CFAP57: variants seen among roughly 807,000 people sequenced by gnomAD.
CFAP57 encodes cilia- and flagella-associated protein 57.
Under a neutral mutation model 146.8 loss-of-function variants are expected in CFAP57, and 116 were observed. The ratio of observed to expected loss-of-function variants is 0.79; its 90% confidence interval spans 0.68 to 0.92. CFAP57 has a LOEUF of 0.92. Ranked by LOEUF, CFAP57 falls within the 40% of genes least tolerant of loss-of-function variation. The pLI, the probability that CFAP57 is intolerant of heterozygous loss-of-function variation, is 0.00. For synonymous variants in CFAP57, 518 were observed against 552.8 expected (o/e 0.94, Z 0.88); for missense variants, 1,377 against 1,527.2 (o/e 0.90, Z 1.64).
chr1:43,188,326 A>T (rs1467837115), intron 6 of CFAP57, among the ~76,000 whole-genome samples: 1 of 152,160 alleles, frequency 6.6e-6, no homozygotes, highest in Admixed American at 6.6e-5. Context: ...GTCATATGGT[A>T]ACTTCATGTT....
rs567341197 is a variant in CFAP57 at position 43,238,894 on chromosome 1, T to C, written c.3405+4256T>C. Reference sequence around the variant, plus strand: ...GGCCTCAGTTTCCTCACAAGGTTGGTGTAAGGATGAACTGAGGGACTGTAT... The same window carrying C: ...GGCCTCAGTTTCCTCACAAGGTTGGCGTAAGGATGAACTGAGGGACTGTAT... On this transcript the variant is annotated intron_variant, in intron 21 of 22. Coordinates refer to ENST00000372492, the MANE Select transcript of CFAP57 (RefSeq NM_001378189.1). This position sits in a 1 kb window ranked among gnomAD's most constrained non-coding sequence, Gnocchi z 4.3. 6.0e-4 allele frequency among the ~76,000 whole-genome samples: 91 copies of C among 152,152 alleles called. No individual in the cohort carries two copies. The highest frequency in any genetic ancestry group is 1.1e-3 in the Non-Finnish European group (76 of 68,002).
At chr1:43,194,055 T>C (rs1569966203) in intron 6 of CFAP57, among the ~76,000 whole-genome samples, 1 of 152,246 alleles carries the variant, frequency 6.6e-6, no homozygotes, top group South Asian at 2.1e-4. Flanking sequence ...CCTTTACCAG[T>C]GCTCTTTGTT....
chr1:43,172,584 A>AAAGGGGAGGGG (rs1557714704), intron 1 of CFAP57, 131 bp downstream of exon 1: 102,204 of 456,824 alleles, frequency 0.22, 12,122 homozygotes, highest in Middle Eastern at 0.31. Context: ...AAGGGGAGGG[A>AAAGGGGAGGGG]CAAGGGGAGG....
intron 11 of CFAP57, 77 bp from the exon 12 acceptor site, chr1:43,215,178 C>G (rs971692394): frequency 3.9e-6 from 6 of 1,521,176 alleles, no homozygotes; most frequent in African/African-American, 1.4e-5. Flanking sequence ...TGGGGGGAAG[C>G]CTTGCGCAAC....
In CFAP57 at chr1:43,254,266, T is replaced by C; in HGVS notation, c.*75T>C. Reference sequence around the variant, plus strand: ...TCTGTCCCCAAGCCAGACTTGCGGTTGGAGTCTGTATGGTCCCTGCAGCAC... The same window carrying C: ...TCTGTCCCCAAGCCAGACTTGCGGTCGGAGTCTGTATGGTCCCTGCAGCAC... On this transcript the variant is annotated 3_prime_UTR_variant, in exon 23 of 23. Coordinates refer to ENST00000372492, the MANE Select transcript of CFAP57 (RefSeq NM_001378189.1). 1 of 1,368,726 alleles carries C rather than the reference T, an allele frequency of 7.3e-7. No homozygotes were observed. Among genetic ancestry groups the C allele is most frequent in the Non-Finnish European group, 9.9e-7 (1 of 1,006,774 alleles). The allele number at this position is 1,368,726 out of a possible 1,614,324, so 84.8% of individuals were successfully genotyped here.
chr1:43,209,432 AATGAGTTGCAAC>A (rs1557775872), intron 10 of CFAP57, among the ~76,000 whole-genome samples: 2 of 152,214 alleles, frequency 1.3e-5, no homozygotes, highest in Admixed American at 6.5e-5. Context: ...GTGAGGATTG[AATGAGTTGCAAC>A]ATGGAGAAGG....
chr1:43,251,400 G>A (rs1484097810), intron 22 of CFAP57, among the ~76,000 whole-genome samples: 2 of 152,240 alleles, frequency 1.3e-5, no homozygotes, highest in Non-Finnish European at 2.9e-5. Context: ...GGGCCACCCG[G>A]TGCAGTGATC....
chr1:43,215,405 A>G lies in CFAP57; in HGVS notation c.2080A>G (p.Met694Val), dbSNP rs1172347850. The G allele has an allele frequency of 4.5e-6, 7 of 1,550,548 alleles. No individual in the cohort carries two copies. In the African/African-American group the frequency reaches 5.5e-5, roughly 12 times the overall value. The change falls in exon 12 of 23, where the codon ATG (methionine) becomes GTG (valine). Residue 694 changes from methionine to valine, a missense_variant. Transcript: ENST00000372492. Reference sequence around the variant, plus strand: ...AGAGGTGCTTGTGACTAAAACAGACATGGAAGAAAAGGTAAGAACTGGATC... The same window carrying G: ...AGAGGTGCTTGTGACTAAAACAGACGTGGAAGAAAAGGTAAGAACTGGATC... ...AEEVLVTKTD[M>V]EEKAQVMLEL...
At chr1:43,223,139 C>G in intron 16 of CFAP57, 142 bp downstream of exon 16, 1 of 919,652 alleles carries the variant, frequency 1.1e-6, no homozygotes, top group Non-Finnish European at 1.6e-6. Context: ...AGAAGAGCAC[C>G]AGCCAGTGCA....
intron 2 of CFAP57, among the ~76,000 whole-genome samples, chr1:43,175,900 T>G (rs1229719683): frequency 6.6e-6 from 1 of 151,754 alleles, no homozygotes; most frequent in African/African-American, 2.4e-5. Context: ...ACTTTAGATG[T>G]ATCTCGTAGT....
chr1:43,178,677 A>G (rs1429521574), intron 2 of CFAP57, among the ~76,000 whole-genome samples: 1 of 152,234 alleles, frequency 6.6e-6, no homozygotes, highest in East Asian at 1.9e-4. Context: ...ACACTTTTAC[A>G]TTGTTGGTGG....
Position 43,254,166 on chromosome 1 carries a change from T to C in CFAP57, c.3728T>C (p.Val1243Ala). The part of the protein sequence containing the change: ...VRLPSLSNSE[V>A]DLEVKTN ...CTTCCTTCCCTCTCCAACTCCGAGG[T>C]AGACTTAGAGGTGAAGACCAACTGA... The change falls in exon 23 of 23, where the codon GTA becomes GCA. Residue 1243 changes from valine to alanine, a missense_variant. By Grantham distance (64) the Val-to-Ala change is moderately conservative (BLOSUM62 0). Transcript: ENST00000372492. 6.5e-7 allele frequency: 1 copy of C among 1,550,158 alleles called. No individual in the cohort carries two copies. Among genetic ancestry groups the C allele is most frequent in the Non-Finnish European group, 8.7e-7 (1 of 1,146,866 alleles).
chr1:43,195,903 G>A (rs1230989494), intron 6 of CFAP57, among the ~76,000 whole-genome samples: 1 of 152,126 alleles, frequency 6.6e-6, no homozygotes, highest in African/African-American at 2.4e-5. Flanking sequence ...AATAAAATTT[G>A]TCTTATATGA....
chr1:43,195,696 A>T (rs910618935), intron 6 of CFAP57, among the ~76,000 whole-genome samples: 3 of 152,220 alleles, frequency 2.0e-5, no homozygotes, highest in African/African-American at 7.2e-5. Context: ...TACATACTGC[A>T]ACATAGATGA....
At chr1:43,195,295 G>A (rs12063838) in intron 6 of CFAP57, among the ~76,000 whole-genome samples, 31,346 of 152,000 alleles carry the variant, frequency 0.21, 3,579 homozygotes, top group Middle Eastern at 0.29. Flanking sequence ...AAGCTGAGGC[G>A]GGTGGATCAC....
chr1:43,236,845 C>T lies in CFAP57; in HGVS notation c.3405+2207C>T, dbSNP rs1645720246. On this transcript the variant is annotated intron_variant, in intron 21 of 22. Coordinates refer to ENST00000372492, the MANE Select transcript of CFAP57 (RefSeq NM_001378189.1). ...AATGGCATGAACGTGGGAGGCAGAG[C>T]TTGCAGTGAGCCAAGATCGGGCCAC... 1.3e-5 allele frequency among the ~76,000 whole-genome samples: 2 copies of T among 151,258 alleles called. 1 individual carries two copies. The highest frequency in any genetic ancestry group is 4.2e-4 in the South Asian group (2 of 4,790).
In CFAP57 at chr1:43,227,117, G is replaced by C; in HGVS notation, c.3000G>C (p.Gln1000His). 1 of 1,532,910 alleles carries C rather than the reference G, an allele frequency of 6.5e-7. No individual in the cohort carries two copies. The highest frequency in any genetic ancestry group is 8.8e-7 in the Non-Finnish European group (1 of 1,139,398). The allele number at this position is 1,532,910 out of a possible 1,614,324, so 95.0% of individuals were successfully genotyped here. Residue 1000 changes from glutamine to histidine, a missense_variant, in exon 18 of 23, where the codon CAG (glutamine) becomes CAC (histidine). Physicochemically the swap from Gln to His is conservative, Grantham distance 24 (BLOSUM62 0). Coordinates refer to ENST00000372492, the MANE Select transcript of CFAP57 (RefSeq NM_001378189.1). ...RENEIRVMKE[Q>H]IQEMEAELEN... ...ATGAGATCAGGGTGATGAAGGAACA[G>C]ATTCAGGAGGTAAGAAGCCATTTGC...
intron 17 of CFAP57, among the ~76,000 whole-genome samples, chr1:43,224,859 T>C (rs894043633): frequency 6.6e-6 from 1 of 152,186 alleles, no homozygotes; most frequent in South Asian, 2.1e-4. Context: ...GCTTCAGTGT[T>C]AGGGAACTAG....
intron 12 of CFAP57, among the ~76,000 whole-genome samples, chr1:43,216,351 A>G (rs938946234): frequency 6.6e-6 from 1 of 152,188 alleles, no homozygotes; most frequent in Non-Finnish European, 1.5e-5. Flanking sequence ...TCCCTTCCAG[A>G]GCTCCCTAGA....
Sources: allele counts gnomAD v4.1 joint callset (sites outside exome capture counted in the v4.1 genomes callset), GRCh38; gene constraint gnomAD v4.1.1; non-coding constraint Gnocchi (gnomAD v3.1); transcripts MANE v1.5; gene names NCBI Gene and HGNC (gene_info 2026-07-23, HGNC 2026-07-21).